Variants in DOCK4 observed in about 807,000 individuals in gnomAD.
DOCK4 encodes the protein dedicator of cytokinesis 4, also known as dedicator of cytokinesis protein 4.
A neutral mutation model predicts 268.1 loss-of-function variants in DOCK4; 97 were observed. That is an observed-to-expected ratio of 0.36 (90% CI 0.31 to 0.43). DOCK4 has a LOEUF of 0.43. Ranked by LOEUF, DOCK4 falls within the 20% of genes least tolerant of loss-of-function variation. DOCK4 has a pLI of 1.00. For synonymous variants in DOCK4, 954 were observed against 887.2 expected, an observed-to-expected ratio of 1.08 and a Z score of -1.34; for missense variants, 2,145 against 2,455.7, an observed-to-expected ratio of 0.87 and a Z score of 2.67.
intron 47 of DOCK4, chr7:111,740,068 G>T (rs1795796333): frequency 2.3e-6 from 1 of 436,850 alleles, no homozygotes; most frequent in African/African-American, 2.1e-5. Flanking sequence ...CATAAGTAAA[G>T]ATAATTTTAA....
intron 12 of DOCK4, among the ~76,000 whole-genome samples, chr7:111,934,470 T>C (rs1794519176): frequency 1.3e-5 from 2 of 151,906 alleles, no homozygotes; most frequent in South Asian, 4.1e-4. Context: ...TTGTCAATAA[T>C]GTTGCTGCTC....
At chr7:112,129,457 T>C (rs554454527) in intron 1 of DOCK4, among the ~76,000 whole-genome samples, 1 of 152,118 alleles carries the variant, frequency 6.6e-6, no homozygotes. Context: ...ATTATTGTGG[T>C]CGTTACATAT....
chr7:112,035,662 A>C (rs1056914371), intron 1 of DOCK4, among the ~76,000 whole-genome samples: 1 of 152,170 alleles, frequency 6.6e-6, no homozygotes, highest in African/African-American at 2.4e-5. Context: ...AAATTAAAGG[A>C]AGGAGAGAGA....
intron 13 of DOCK4, among the ~76,000 whole-genome samples, chr7:111,910,214 G>T (rs1157043330): frequency 1.3e-5 from 2 of 152,198 alleles, no homozygotes; most frequent in Non-Finnish European, 2.9e-5. Flanking sequence ...GACATTTGGG[G>T]AGCAGGGAAG....
At chr7:112,175,173 G>C (rs1278993513) in intron 1 of DOCK4, among the ~76,000 whole-genome samples, 1 of 151,926 alleles carries the variant, frequency 6.6e-6, no homozygotes, top group Non-Finnish European at 1.5e-5. Flanking sequence ...CCGTCCCCTG[G>C]AACATTTTTA....
chr7:112,197,978 A>C lies in DOCK4; in HGVS notation c.37+8124T>G, dbSNP rs565849379. On this transcript the variant is annotated intron_variant, in intron 1 of 52. Coordinates refer to ENST00000428084, the MANE Select transcript of DOCK4 (RefSeq NM_001363540.2). ...TAAGCCTGACCTGCCTAGAAAAAAAAAAAAAAAAAAAAAGTTGGTTCTTTT... is the reference window on the plus strand; with the variant it reads ...TAAGCCTGACCTGCCTAGAAAAAAACAAAAAAAAAAAAAGTTGGTTCTTTT... Among the ~76,000 whole-genome samples the C allele has an allele frequency of 3.8e-4, 58 of 151,592 alleles. 1 individual carries two copies. In the East Asian group the frequency reaches 0.01, roughly 26 times the overall value.
chr7:111,776,281 T>C (rs1178519072), intron 36 of DOCK4, among the ~76,000 whole-genome samples: 1 of 152,174 alleles, frequency 6.6e-6, no homozygotes, highest in Non-Finnish European at 1.5e-5. Flanking sequence ...CCATGCTCCA[T>C]GAAGTAAAGG....
intron 46 of DOCK4, 96 bp downstream of exon 46, chr7:111,741,444 C>T (rs1156672908): frequency 4.2e-5 from 63 of 1,515,274 alleles, no homozygotes; most frequent in South Asian, 4.2e-4. Flanking sequence ...TAAGAAATAG[C>T]GTATTTGACA....
Position 112,206,153 on chromosome 7 carries a change from C to CG in DOCK4, c.-16dup. 3 of 1,576,248 alleles carry CG rather than the reference C, an allele frequency of 1.9e-6. No homozygotes were observed. The highest frequency in any genetic ancestry group is 2.6e-6 in the Non-Finnish European group (3 of 1,160,628). On this transcript the variant is annotated 5_prime_UTR_variant, in exon 1 of 53. Coordinates refer to ENST00000428084, the MANE Select transcript of DOCK4 (RefSeq NM_001363540.2). The stretch of plus-strand genomic sequence containing the variant: ...GGTATCCACATGGCTAAAGGGGCTC[C>CG]GGGGTCTTCAGGCTTTGTAATCCCC...
chr7:112,157,698 T>C (rs1047171976), intron 1 of DOCK4, among the ~76,000 whole-genome samples: 4 of 152,122 alleles, frequency 2.6e-5, no homozygotes, highest in African/African-American at 9.7e-5. Flanking sequence ...TGCACAGATT[T>C]GGGTGTCCTG....
In DOCK4 at chr7:112,140,278, C is replaced by T. The variant is rs73715479; in HGVS notation, c.37+65824G>A. Among the ~76,000 whole-genome samples the T allele has an allele frequency of 2.6e-3, 402 of 152,242 alleles. 1 individual carries two copies. Among genetic ancestry groups the T allele is most frequent in the African/African-American group, 8.9e-3 (369 of 41,552 alleles). The stretch of plus-strand genomic sequence containing the variant: ...GGGAAACTCTGAAACGTGGAGATGT[C>T]GGAGCCCCCAACCCCCACCTGCAGG... On this transcript the variant is annotated intron_variant, in intron 1 of 52. Coordinates refer to ENST00000428084, the MANE Select transcript of DOCK4 (RefSeq NM_001363540.2).
At chr7:112,177,471 T>C (rs62476051) in intron 1 of DOCK4, among the ~76,000 whole-genome samples, 14,693 of 152,244 alleles carry the variant, frequency 0.097, 1,702 homozygotes, top group African/African-American at 0.28. Context: ...CAAACCAATG[T>C]AAATTTGCAA....
At chr7:111,928,464 T>TA (rs1417595874) in intron 12 of DOCK4, among the ~76,000 whole-genome samples, 2 of 152,210 alleles carry the variant, frequency 1.3e-5, no homozygotes, top group African/African-American at 4.8e-5. Flanking sequence ...AAAAATATCT[T>TA]ACGGTGTAAT....
chr7:112,079,159 G>T (rs1436906121), intron 1 of DOCK4, among the ~76,000 whole-genome samples: 1 of 152,014 alleles, frequency 6.6e-6, no homozygotes, highest in Non-Finnish European at 1.5e-5. Context: ...ATGTAAGAAT[G>T]ATAGCAGGCA....
chr7:111,869,955 T>C (rs1329626662), intron 20 of DOCK4, among the ~76,000 whole-genome samples: 1 of 152,158 alleles, frequency 6.6e-6, no homozygotes, highest in Non-Finnish European at 1.5e-5. Flanking sequence ...CCCAACCAAG[T>C]GCCTGGCAGT....
chr7:112,131,666 T>G (rs899595061), intron 1 of DOCK4, among the ~76,000 whole-genome samples: 1 of 152,148 alleles, frequency 6.6e-6, no homozygotes, highest in Non-Finnish European at 1.5e-5. Flanking sequence ...TACAACATAT[T>G]TATCAGGTGC....
intron 49 of DOCK4, among the ~76,000 whole-genome samples, chr7:111,738,661 G>T (rs997624225): frequency 6.6e-6 from 1 of 152,234 alleles, no homozygotes; most frequent in Non-Finnish European, 1.5e-5. Flanking sequence ...CTCAGGGCCG[G>T]GAGTGGTGGC....
chr7:112,180,477 T>C (rs1818927129), intron 1 of DOCK4, among the ~76,000 whole-genome samples: 1 of 152,098 alleles, frequency 6.6e-6, no homozygotes. Context: ...TAAGTGTGAG[T>C]TGGTCCTCTG....
intron 3 of DOCK4, 143 bp from the exon 4 acceptor site, chr7:111,998,646 G>A (rs1800169249): frequency 6.3e-6 from 3 of 479,880 alleles, no homozygotes; most frequent in African/African-American, 4.0e-5. Context: ...TCTCTTGGAT[G>A]AAATCTACTG....
Sources: allele counts gnomAD v4.1 joint callset (sites outside exome capture counted in the v4.1 genomes callset), GRCh38; gene constraint gnomAD v4.1.1; transcripts MANE v1.5; gene names NCBI Gene and HGNC (gene_info 2026-07-23, HGNC 2026-07-21).